The following CDKL5 variants were observed in gnomAD, a reference collection of about 807,000 sequenced individuals.
The protein encoded by CDKL5 is cyclin dependent kinase like 5, also known as cyclin-dependent kinase-like 5.
In CDKL5, 8 loss-of-function variants were observed where a neutral mutation model predicts 61.7. That is an observed-to-expected ratio of 0.13 (90% CI 0.08 to 0.23). CDKL5 has a LOEUF of 0.23. Among genes scored for constraint, CDKL5 ranks in the 10% least tolerant of loss-of-function variants. CDKL5 has a pLI of 1.00. For synonymous variants in CDKL5, 275 were observed against 272.3 expected (o/e 1.01, Z -0.10); for missense variants, 440 against 734.5 (o/e 0.60, Z 4.63).
chrX:18,479,085 T>C (rs911584767), intron 1 of CDKL5, among the ~76,000 whole-genome samples: 2 of 111,423 alleles, frequency 1.8e-5, no homozygotes, highest in Admixed American at 9.6e-5. Flanking sequence ...ACTCCTGGCC[T>C]GAAGCAATCC....
At chrX:18,588,185 A>G in intron 9 of CDKL5, 42 bp downstream of exon 9, 1 of 996,903 alleles carries the variant, frequency 1.0e-6, no homozygotes, top group Middle Eastern at 2.6e-4. Flanking sequence ...TCAATACTGC[A>G]GTATTTGAGT....
At chrX:18,577,927 A>T (rs1463889457) in intron 5 of CDKL5, among the ~76,000 whole-genome samples, 1 of 112,758 alleles carries the variant, frequency 8.9e-6, no homozygotes, top group Non-Finnish European at 1.9e-5. Context: ...ATGCATACAT[A>T]CTTAAAATGT....
chrX:18,427,793 T>A lies in CDKL5; in HGVS notation c.-163+2098T>A, dbSNP rs190801972. Among the ~76,000 whole-genome samples the A allele has an allele frequency of 2.8e-4, 31 of 111,888 alleles. No homozygotes were observed. In the East Asian group the frequency reaches 6.7e-3, roughly 24 times the overall value. On this transcript the variant is annotated intron_variant, in intron 1 of 17. Transcript: ENST00000623535. Reference sequence around the variant, plus strand: ...TTCCTGGCTCAGTCTTAAAATTTATTCATGATTTAGGGGTTTGTGATTGGT... The same window carrying A: ...TTCCTGGCTCAGTCTTAAAATTTATACATGATTTAGGGGTTTGTGATTGGT...
At chrX:18,571,222 C>A (rs759203998) in intron 4 of CDKL5, among the ~76,000 whole-genome samples, 28 of 111,357 alleles carry the variant, frequency 2.5e-4, no homozygotes, top group Middle Eastern at 4.7e-3. Context: ...CCATACTATG[C>A]CGCCTTGCCG....
At chrX:18,460,985 C>T (rs1045235072) in intron 1 of CDKL5, among the ~76,000 whole-genome samples, 20 of 112,231 alleles carry the variant, frequency 1.8e-4, no homozygotes, top group African/African-American at 6.5e-4. Context: ...GTGAACCATT[C>T]GTTCCCTTGG....
chrX:18,650,248 C>T (rs1331655699), intron 20 of CDKL5: 1 of 518,356 alleles, frequency 1.9e-6, no homozygotes, highest in Non-Finnish European at 3.4e-6. Context: ...GTGTGGCTCA[C>T]TCTGCGATCT....
In CDKL5 at chrX:18,608,928, A is replaced by G. The variant is rs1157430431; in HGVS notation, c.2046+16A>G. ...GAAGTCTGAGGTATGTCACAATAAA[A>G]TATGCCTGTAAACATTTGTTCAACA... On this transcript the variant is annotated intron_variant, in intron 13 of 17. Coordinates refer to ENST00000623535, the MANE Select transcript of CDKL5 (RefSeq NM_001323289.2). 3.9e-6 allele frequency: 4 copies of G among 1,026,619 alleles called. No homozygotes were observed. Among genetic ancestry groups the G allele is most frequent in the East Asian group, 3.0e-5 (1 of 33,023 alleles). 84.6% of individuals were successfully genotyped at this position (1,026,619 alleles called of 1,213,427 possible).
intron 3 of CDKL5, among the ~76,000 whole-genome samples, chrX:18,532,571 ATTTTC>A (rs1923686125): frequency 8.9e-6 from 1 of 111,897 alleles, no homozygotes; most frequent in African/African-American, 3.2e-5. Flanking sequence ...CCAATGGTTT[ATTTTC>A]AATTAACCTT....
Position 18,630,101 on chromosome X carries a change from G to A in CDKL5, c.*1344G>A, listed in dbSNP as rs1927191812. On this transcript the variant is annotated 3_prime_UTR_variant, in exon 18 of 18. Transcript: ENST00000623535. ...ATACCATATTTAAAAGGCTCCTGGA[G>A]CAATTCCAGATAGATAAAAAATTAC... The A allele has an allele frequency of 6.6e-6, 5 of 753,888 alleles. No homozygotes were observed. The highest frequency in any genetic ancestry group is 4.6e-5 in the African/African-American group (2 of 43,704). The allele number at this position is 753,888 out of a possible 1,213,427, so 62.1% of individuals were successfully genotyped here.
Position 18,637,240 on chromosome X carries a change from A to C in CDKL5, c.*8483A>C, listed in dbSNP as rs770891547. ...ACCCCGTCTCTACTAAAAATACAAA[A>C]ATTGGGTGTGGTGGTACATGCCTGT... is the stretch of plus-strand genomic sequence containing the variant. On this transcript the variant is annotated 3_prime_UTR_variant, in exon 18 of 18. Transcript: ENST00000623535. 2.7e-5 allele frequency: 3 copies of C among 110,752 alleles called. No individual in the cohort carries two copies. Among genetic ancestry groups the C allele is most frequent in the African/African-American group, 9.9e-5 (3 of 30,418 alleles). The allele number at this position is 110,752 out of a possible 1,213,427, so 9.1% of individuals were successfully genotyped here.
chrX:18,599,527 C>G (rs1025345800), intron 11 of CDKL5, among the ~76,000 whole-genome samples: 1 of 112,302 alleles, frequency 8.9e-6, no homozygotes, highest in Non-Finnish European at 1.9e-5. Context: ...GATTATAACT[C>G]ACTGCAGCCT....
At chrX:18,595,326 T>A (rs777294452) in intron 9 of CDKL5, 22 bp from the exon 10 acceptor site, 2 of 1,085,682 alleles carry the variant, frequency 1.8e-6, no homozygotes, top group Non-Finnish European at 2.6e-6. Context: ...ATGTTAACAT[T>A]CCCTTTGTGT....
chrX:18,446,663 A>G (rs936849792), intron 1 of CDKL5, among the ~76,000 whole-genome samples: 1 of 111,702 alleles, frequency 9.0e-6, no homozygotes, highest in Non-Finnish European at 1.9e-5. Context: ...CTCAGTGAAG[A>G]AGGGAGTATG....
In CDKL5 at chrX:18,534,471, A is replaced by C. The variant is rs749102532; in HGVS notation, c.99+23617A>C. Among the ~76,000 whole-genome samples the C allele has an allele frequency of 8.5e-4, 95 of 111,834 alleles. 2 individuals are homozygous for C. The highest frequency in any genetic ancestry group is 3.0e-3 in the African/African-American group (93 of 30,791). The stretch of plus-strand genomic sequence containing the variant: ...TTATCTTACAATTGTCTTACATTTA[A>C]TAAAATATTGCACTTTTAATTATTG... On this transcript the variant is annotated intron_variant, in intron 3 of 17. Coordinates refer to ENST00000623535, the MANE Select transcript of CDKL5 (RefSeq NM_001323289.2).
chrX:18,571,094 A>G (rs1270530281), intron 4 of CDKL5, among the ~76,000 whole-genome samples: 1 of 111,450 alleles, frequency 9.0e-6, no homozygotes, highest in African/African-American at 3.3e-5. Context: ...TGAATAATCC[A>G]GTATAACTCA....
intron 3 of CDKL5, among the ~76,000 whole-genome samples, chrX:18,551,655 G>A (rs1307168043): frequency 9.6e-6 from 1 of 103,698 alleles, no homozygotes; most frequent in African/African-American, 3.5e-5. Context: ...GCAGCGTCTC[G>A]GCTCACTGCA....
chrX:18,582,697 A>G (rs1453569497), intron 7 of CDKL5, among the ~76,000 whole-genome samples: 1 of 111,215 alleles, frequency 9.0e-6, no homozygotes, highest in East Asian at 2.8e-4. Context: ...CTCCACATAT[A>G]ACTAAGAATC....
intron 12 of CDKL5, among the ~76,000 whole-genome samples, chrX:18,606,363 C>G: frequency 8.9e-6 from 1 of 112,555 alleles, no homozygotes; most frequent in Non-Finnish European, 1.9e-5. Flanking sequence ...TATAGACAAG[C>G]TTTGAATTGG....
chrX:18,491,105 C>T (rs909025547), intron 1 of CDKL5, among the ~76,000 whole-genome samples: 1 of 111,919 alleles, frequency 8.9e-6, no homozygotes, highest in African/African-American at 3.2e-5. Flanking sequence ...GAAAGATAAT[C>T]ACTCCGTGCC....
Sources: allele counts gnomAD v4.1 joint callset (sites outside exome capture counted in the v4.1 genomes callset), GRCh38; gene constraint gnomAD v4.1.1; transcripts MANE v1.5; gene names NCBI Gene and HGNC (gene_info 2026-07-23, HGNC 2026-07-21).